DNM3: variants seen among roughly 807,000 people sequenced by gnomAD.
The protein encoded by DNM3 is dynamin 3.
Under a neutral mutation model 101.6 loss-of-function variants are expected in DNM3, and 47 were observed. The ratio of observed to expected loss-of-function variants is 0.46; its 90% CI spans 0.37 to 0.59. The LOEUF (loss-of-function observed/expected upper bound fraction) is 0.59. DNM3 is among the 20% of genes least tolerant of loss of function. The pLI is 0.00. For synonymous variants in DNM3, 385 were observed against 387.9 expected (o/e 0.99, Z 0.09); for missense variants, 849 against 1,085.7 (o/e 0.78, Z 3.06).
At chr1:171,915,567 C>A (rs1302088543) in intron 1 of DNM3, among the ~76,000 whole-genome samples, 1 of 152,058 alleles carries the variant, frequency 6.6e-6, no homozygotes, top group African/African-American at 2.4e-5. Flanking sequence ...TTTATGGATG[C>A]TGATGATGTG....
intron 1 of DNM3, among the ~76,000 whole-genome samples, chr1:171,919,728 T>C (rs1396701935): frequency 4.6e-5 from 7 of 152,236 alleles, no homozygotes; most frequent in Non-Finnish European, 8.8e-5. Context: ...ATTAAAAGTG[T>C]ATTTAGTTAT....
chr1:171,904,205 G>A (rs1441693650), intron 1 of DNM3, among the ~76,000 whole-genome samples: 4 of 151,762 alleles, frequency 2.6e-5, no homozygotes, highest in Non-Finnish European at 4.4e-5. Flanking sequence ...CCAGCTACTC[G>A]GGAGGCTGAG....
chr1:172,211,870 A>G (rs1048121124), intron 14 of DNM3, among the ~76,000 whole-genome samples: 1 of 152,090 alleles, frequency 6.6e-6, no homozygotes, highest in Non-Finnish European at 1.5e-5. Flanking sequence ...TTGAAAAGAA[A>G]ATGGAACCTG....
intron 1 of DNM3, among the ~76,000 whole-genome samples, chr1:171,845,662 C>T (rs2031964084): frequency 1.3e-5 from 2 of 152,192 alleles, no homozygotes; most frequent in Non-Finnish European, 2.9e-5. Context: ...ACCCCTTAGG[C>T]AGAAGCAACA....
Position 172,410,313 on chromosome 1 carries a change from G to C in DNM3, c.*2472G>C, listed in dbSNP as rs1480209738. 2.0e-6 allele frequency: 2 copies of C among 985,214 alleles called. No homozygotes were observed. Among genetic ancestry groups the C allele is most frequent in the Admixed American group, 6.2e-5 (1 of 16,248 alleles). 61.0% of individuals were successfully genotyped at this position (985,214 alleles called of 1,614,324 possible). On this transcript the variant is annotated 3_prime_UTR_variant, in exon 21 of 21. Coordinates refer to ENST00000627582, the MANE Select transcript of DNM3 (RefSeq NM_015569.5). ...GCATGCACACCAGGCCTTAAGATGG[G>C]AATGTAGCTTAATGATTTTCTGTTT... is the stretch of plus-strand genomic sequence containing the variant.
chr1:171,948,691 A>G (rs762154690), intron 2 of DNM3, among the ~76,000 whole-genome samples: 3 of 152,148 alleles, frequency 2.0e-5, no homozygotes, highest in Non-Finnish European at 4.4e-5. Flanking sequence ...TTCCTCAAAC[A>G]GTTTCCTGAA....
At chr1:172,185,082 A>T (rs998764324) in intron 14 of DNM3, among the ~76,000 whole-genome samples, 2 of 152,048 alleles carry the variant, frequency 1.3e-5, no homozygotes, top group Non-Finnish European at 2.9e-5. Flanking sequence ...CTCAGTGTTC[A>T]TGCTGGGTCC....
At position 172,344,703 on chromosome 1, in the gene DNM3, C is replaced by T. The variant is rs115152367; in HGVS notation, c.1893+21363C>T. Among the ~76,000 whole-genome samples the T allele has an allele frequency of 1.5e-3, 230 of 152,282 alleles. 1 individual carries two copies. The highest frequency in any genetic ancestry group is 5.4e-3 in the African/African-American group (223 of 41,552). On this transcript the variant is annotated intron_variant, in intron 17 of 20. Coordinates refer to ENST00000627582, the MANE Select transcript of DNM3 (RefSeq NM_015569.5). ...CTGAACCACAGTCAGATCTACAGGC[C>T]TCTGATTTGCCAAATGGAATCTATG...
chr1:171,951,464 C>T (rs1047728266), intron 2 of DNM3, among the ~76,000 whole-genome samples: 2 of 152,120 alleles, frequency 1.3e-5, no homozygotes, highest in African/African-American at 4.8e-5. Flanking sequence ...TTTAACTGTG[C>T]TTATGTTTGG....
At chr1:171,901,181 T>G (rs2038316242) in intron 1 of DNM3, among the ~76,000 whole-genome samples, 1 of 150,830 alleles carries the variant, frequency 6.6e-6, no homozygotes, top group Non-Finnish European at 1.5e-5. Context: ...AGTCTTGTAG[T>G]CATACCCCAC....
At chr1:172,154,800 T>C (rs1451336880) in intron 14 of DNM3, among the ~76,000 whole-genome samples, 2 of 152,048 alleles carry the variant, frequency 1.3e-5, no homozygotes, top group Non-Finnish European at 2.9e-5. Context: ...TGTGCTTCAG[T>C]TAAAATTAAA....
rs573503498 is a variant in DNM3, at chr1:172,339,695, C to T, written c.1893+16355C>T. Among the ~76,000 whole-genome samples, 154 of 152,264 alleles carry T rather than the reference C, an allele frequency of 1.0e-3. 2 individuals are homozygous for T. The South Asian group carries it at 0.031, about 31-fold the overall frequency. ...AGCCCACCGTCTTTCATATATCCTC[C>T]CTGCTTGTCCTGCCTGTTGGAGTTT... On this transcript the variant is annotated intron_variant, in intron 17 of 20. Transcript: ENST00000627582.
At chr1:172,363,427 A>T (rs1482388012) in intron 17 of DNM3, among the ~76,000 whole-genome samples, 1 of 151,930 alleles carries the variant, frequency 6.6e-6, no homozygotes, top group Non-Finnish European at 1.5e-5. Flanking sequence ...AAGACTGGAC[A>T]TCTGAGCATA....
chr1:172,349,013 G>C (rs1469540936), intron 17 of DNM3, among the ~76,000 whole-genome samples: 1 of 152,142 alleles, frequency 6.6e-6, no homozygotes, highest in Non-Finnish European at 1.5e-5. Flanking sequence ...GTCCTAAACA[G>C]AGCACCTTCT....
intron 11 of DNM3, among the ~76,000 whole-genome samples, chr1:172,073,971 G>A (rs1328508304): frequency 2.0e-5 from 3 of 151,972 alleles, no homozygotes; most frequent in Non-Finnish European, 2.9e-5. Context: ...TTTCACAGAG[G>A]CACCTCCCAA....
intron 1 of DNM3, among the ~76,000 whole-genome samples, chr1:171,880,157 A>G (rs566860698): frequency 5.9e-5 from 9 of 152,322 alleles, no homozygotes; most frequent in African/African-American, 2.2e-4. Flanking sequence ...CTTTTGTGTT[A>G]TTTCCTGTGA....
intron 15 of DNM3, among the ~76,000 whole-genome samples, chr1:172,284,090 T>A (rs1004282335): frequency 6.6e-6 from 1 of 152,212 alleles, no homozygotes; most frequent in Non-Finnish European, 1.5e-5. Flanking sequence ...GCTGCTACGT[T>A]TTCCTGGAAG....
At chr1:172,041,603 C>T (rs537951240) in intron 7 of DNM3, among the ~76,000 whole-genome samples, 2 of 152,222 alleles carry the variant, frequency 1.3e-5, no homozygotes, top group South Asian at 4.2e-4. Context: ...GAGACTGAGG[C>T]TGTGACATTG....
At chr1:172,323,865 C>A (rs1317757418) in intron 17 of DNM3, among the ~76,000 whole-genome samples, 2 of 152,138 alleles carry the variant, frequency 1.3e-5, no homozygotes, top group African/African-American at 4.8e-5. Flanking sequence ...GTCAACATTT[C>A]ACTTGGCTTC....
Sources: gnomAD v4.1 joint callset for allele counts (sites outside exome capture counted in the v4.1 genomes callset) on GRCh38, gnomAD v4.1.1 for gene constraint, MANE v1.5 for transcripts, NCBI Gene and HGNC (gene_info 2026-07-23, HGNC 2026-07-21) for gene names.